Variants in AP3B2 observed in about 807,000 individuals in gnomAD.
AP3B2 encodes the protein AP-3 complex subunit beta-2.
In AP3B2, 50 loss-of-function variants were observed where a neutral mutation model predicts 126.9. The observed-to-expected ratio is 0.39, with a 90% confidence interval of 0.31 to 0.50. The LOEUF is 0.50. AP3B2 is among the 20% of genes least tolerant of loss of function. The probability of loss-of-function intolerance (pLI) is 0.79; values close to 1 mark genes in which losing one functional copy is unlikely to be tolerated. For missense variants in AP3B2, 1,177 were observed against 1,426.4 expected (o/e 0.83, Z 2.82); for synonymous variants, 541 against 565.0 (o/e 0.96, Z 0.60).
At chr15:82,666,442 T>G (rs1342060115) in intron 15 of AP3B2, among the ~76,000 whole-genome samples, 1 of 152,206 alleles carries the variant, frequency 6.6e-6, no homozygotes, top group Non-Finnish European at 1.5e-5. Flanking sequence ...GATCTTGGTA[T>G]GTATTCCAAA....
At chr15:82,678,266 C>G in intron 10 of AP3B2, 99 bp from the exon 11 acceptor site, 1 of 1,133,330 alleles carries the variant, frequency 8.8e-7, no homozygotes, top group African/African-American at 1.5e-5. Context: ...AAACAATCCT[C>G]ATGACAGCCC....
intron 1 of AP3B2, among the ~76,000 whole-genome samples, chr15:82,705,724 T>C (rs1346669456): frequency 1.3e-5 from 2 of 152,216 alleles, no homozygotes; most frequent in East Asian, 3.8e-4. Context: ...CTCTCCCTGC[T>C]GATCATGTCC....
At position 82,680,388 on chromosome 15, in the gene AP3B2, G is replaced by T. The variant is rs1429169760; in HGVS notation, c.1055+84C>A. Reference sequence around the variant, plus strand: ...CGGGTGGGCAGAGGTGGAAGCGGCTGGTGGGCGTGAGGGGGCGGAGCCGGG... The same window carrying T: ...CGGGTGGGCAGAGGTGGAAGCGGCTTGTGGGCGTGAGGGGGCGGAGCCGGG... On this transcript the variant is annotated intron_variant, in intron 8 of 26. Coordinates refer to ENST00000535359, the MANE Select transcript of AP3B2 (RefSeq NM_001278512.2). This position sits in a 1 kb window ranked among gnomAD's most constrained non-coding sequence, Gnocchi z 6.1. 22 of 1,454,162 alleles carry T rather than the reference G, an allele frequency of 1.5e-5. 1 individual carries two copies. In the East Asian group the frequency reaches 5.5e-4, roughly 36 times the overall value. 90.1% of individuals were successfully genotyped at this position (1,454,162 alleles called of 1,614,324 possible). A position where few individuals can be genotyped will look rare whatever the true frequency, so the allele number is the denominator to read the frequency against.
In AP3B2 at chr15:82,659,438, C is replaced by A; in HGVS notation, c.*122G>T. 1.5e-6 allele frequency: 2 copies of A among 1,337,838 alleles called. No individual in the cohort carries two copies. Among genetic ancestry groups the A allele is most frequent in the Non-Finnish European group, 2.1e-6 (2 of 965,958 alleles). 82.9% of individuals were successfully genotyped at this position (1,337,838 alleles called of 1,614,324 possible). A position where few individuals can be genotyped will look rare whatever the true frequency, so the allele number is the denominator to read the frequency against. On this transcript the variant is annotated 3_prime_UTR_variant, in exon 27 of 27. Transcript: ENST00000535359. ...TGGTCCTCCAGAGGGAGAGAGGACA[C>A]CCTGAATGCTATCTGGCATGAGGAG... is the stretch of plus-strand genomic sequence containing the variant.
At chr15:82,693,512 G>A (rs937575958) in intron 1 of AP3B2, among the ~76,000 whole-genome samples, 96 of 151,900 alleles carry the variant, frequency 6.3e-4, no homozygotes, top group African/African-American at 1.6e-3. Context: ...CTCCCAAAGC[G>A]CTGAGATTAC....
chr15:82,689,714 A>G (rs1596190063), intron 1 of AP3B2: 1 of 486,330 alleles, frequency 2.1e-6, no homozygotes, highest in East Asian at 3.6e-5. Context: ...ATGTAACCTT[A>G]TTTGGAAATA....
Position 82,682,273 on chromosome 15 carries a change from G to A in AP3B2, c.361-693C>T, listed in dbSNP as rs551515487. 3.3e-5 allele frequency among the ~76,000 whole-genome samples: 5 copies of A among 151,966 alleles called. No homozygotes were observed. The East Asian group carries it at 9.7e-4, about 29-fold the overall frequency. On this transcript the variant is annotated intron_variant, in intron 4 of 26. Coordinates refer to ENST00000535359, the MANE Select transcript of AP3B2 (RefSeq NM_001278512.2). ...TCGCCGTGTTGGCCAGGCTGGTCTC[G>A]AACTCCTGGCCGCAAGTGATCCGCC...
chr15:82,683,098 G>A (rs1439768874), intron 4 of AP3B2, among the ~76,000 whole-genome samples: 4 of 115,416 alleles, frequency 3.5e-5, no homozygotes, highest in African/African-American at 1.0e-4. Context: ...TCGCTCTGTC[G>A]CCCAGGCTGG....
At chr15:82,695,327 G>A (rs2048615568) in intron 1 of AP3B2, among the ~76,000 whole-genome samples, 1 of 152,042 alleles carries the variant, frequency 6.6e-6, no homozygotes, top group Non-Finnish European at 1.5e-5. Flanking sequence ...TCGAACTCCT[G>A]ACCTCAAGTG....
intron 14 of AP3B2, among the ~76,000 whole-genome samples, chr15:82,674,355 G>A (rs969636818): frequency 1.3e-5 from 2 of 152,204 alleles, no homozygotes; most frequent in Non-Finnish European, 2.9e-5. Context: ...GAAAGAAAGG[G>A]AGGACAAAAA....
At position 82,690,167 on chromosome 15, in the gene AP3B2, A is replaced by G. The variant is rs182657188; in HGVS notation, c.114-714T>C. 1.4e-4 allele frequency among the ~76,000 whole-genome samples: 22 copies of G among 151,846 alleles called. No homozygotes were observed. The East Asian group carries it at 2.1e-3, about 15-fold the overall frequency. ...GGTCCTGCCGACACCTTGAGTTCAGACTTTTGGCCTCCAGAGCTGTGAGAC... is the reference window on the plus strand; with the variant it reads ...GGTCCTGCCGACACCTTGAGTTCAGGCTTTTGGCCTCCAGAGCTGTGAGAC... On this transcript the variant is annotated intron_variant, in intron 1 of 26. Transcript: ENST00000535359.
chr15:82,688,934 G>A, intron 3 of AP3B2, 103 bp from the exon 4 acceptor site: 2 of 1,189,172 alleles, frequency 1.7e-6, no homozygotes, highest in Non-Finnish European at 2.4e-6. Context: ...CGGTCCATGG[G>A]GACAAACTCT....
chr15:82,688,692 G>C, intron 4 of AP3B2, 44 bp downstream of exon 4: 2 of 1,534,694 alleles, frequency 1.3e-6, no homozygotes, highest in Non-Finnish European at 1.8e-6. Flanking sequence ...CCGATACAGC[G>C]CCAACGAGGC....
At chr15:82,661,331 T>C (rs1475513290) in intron 25 of AP3B2, among the ~76,000 whole-genome samples, 2 of 152,154 alleles carry the variant, frequency 1.3e-5, no homozygotes, top group Non-Finnish European at 2.9e-5. Context: ...AATCAGCTTA[T>C]CCAAAACTAA....
In AP3B2 at chr15:82,666,927, G is replaced by C. The variant is rs769945624; in HGVS notation, c.1672C>G (p.Leu558Val). ...AGACTCAGCACATACTGGGTCAGCA[G>C]CTTGGTCTGGAGGAACAGGAAGAGG... ...LYLTNSKQTK[L>V]LTQYVLSLAK... is the part of the protein sequence containing the mutation. Residue 558 changes from leucine to valine, a missense_variant, in exon 15 of 27, where the codon CTG (leucine) becomes GTG (valine). By Grantham distance (32) the Leu-to-Val change is conservative. Coordinates refer to ENST00000535359, the MANE Select transcript of AP3B2 (RefSeq NM_001278512.2). 2.5e-6 allele frequency: 4 copies of C among 1,609,446 alleles called. No individual in the cohort carries two copies. Among genetic ancestry groups the C allele is most frequent in the Non-Finnish European group, 3.4e-6 (4 of 1,176,384 alleles).
At chr15:82,705,629 G>A (rs1047870955) in intron 1 of AP3B2, among the ~76,000 whole-genome samples, 2 of 152,102 alleles carry the variant, frequency 1.3e-5, no homozygotes, top group Admixed American at 6.5e-5. Context: ...AAGGCTTCAC[G>A]GACAGCCCCC....
Position 82,688,726 on chromosome 15 carries a change from G to A in AP3B2, c.360+10C>T, listed in dbSNP as rs766015362. 6.2e-7 allele frequency: 1 copy of A among 1,607,074 alleles called. No individual in the cohort carries two copies. The highest frequency in any genetic ancestry group is 8.5e-7 in the Non-Finnish European group (1 of 1,176,882). On this transcript the variant is annotated intron_variant, in intron 4 of 26. Coordinates refer to ENST00000535359, the MANE Select transcript of AP3B2 (RefSeq NM_001278512.2). ...GCCCAGGCCCTGGGAGGCAAACTGA[G>A]ACCCCTGACCTTTAGGCCACGTTGG...
chr15:82,682,395 G>A (rs998072826), intron 4 of AP3B2, among the ~76,000 whole-genome samples: 20 of 152,010 alleles, frequency 1.3e-4, no homozygotes, highest in African/African-American at 4.1e-4. Flanking sequence ...TATACAGAAC[G>A]TATAAAAGCA....
chr15:82,703,352 CCTCT>C (rs1195687739), intron 1 of AP3B2, among the ~76,000 whole-genome samples: 1 of 151,562 alleles, frequency 6.6e-6, no homozygotes, highest in Non-Finnish European at 1.5e-5. Flanking sequence ...GTGTCTCTAC[CCTCT>C]CTTTTCTCTC....
Sources: gnomAD v4.1 joint callset for allele counts (sites outside exome capture counted in the v4.1 genomes callset) on GRCh38, gnomAD v4.1.1 for gene constraint, Gnocchi (gnomAD v3.1) non-coding constraint, MANE v1.5 for transcripts, NCBI Gene and HGNC (gene_info 2026-07-23, HGNC 2026-07-21) for gene names.